The following KMT5B variants were observed in gnomAD, a reference collection of about 807,000 sequenced individuals.
KMT5B encodes histone-lysine N-methyltransferase KMT5B.
Under a neutral mutation model 83.2 loss-of-function variants are expected in KMT5B, and 10 were observed. The ratio of observed to expected loss-of-function variants is 0.12; its 90% CI spans 0.07 to 0.20. The LOEUF (loss-of-function observed/expected upper bound fraction) is 0.20, where lower values mean the gene tolerates loss of function less well. Among genes scored for constraint, KMT5B ranks in the 10% least tolerant of loss-of-function variants. The probability of loss-of-function intolerance (pLI) is 1.00; values close to 1 mark genes in which losing one functional copy is unlikely to be tolerated. For synonymous variants in KMT5B, 349 were observed against 388.8 expected (o/e 0.90, Z 1.20); for missense variants, 753 against 1,067.2 (o/e 0.71, Z 4.10).
In KMT5B at chr11:68,154,907, G is replaced by T. The variant is rs916148957; in HGVS notation, c.*2781C>A. 1.3e-5 allele frequency: 2 copies of T among 151,744 alleles called. No homozygotes were observed. The highest frequency in any genetic ancestry group is 2.9e-5 in the Non-Finnish European group (2 of 67,962). The allele number at this position is 151,744 out of a possible 1,614,324, so 9.4% of individuals were successfully genotyped here. A position where few individuals can be genotyped will look rare whatever the true frequency, so the allele number is the denominator to read the frequency against. On this transcript the variant is annotated 3_prime_UTR_variant, in exon 11 of 11. Transcript: ENST00000304363. ...TATTAAAATGATTAACCTCAATACTGCAAGTGCATGTACAAAATATTTGTA... is the reference window on the plus strand; with the variant it reads ...TATTAAAATGATTAACCTCAATACTTCAAGTGCATGTACAAAATATTTGTA...
At chr11:68,213,613 C>CA (rs1331773415), upstream of KMT5B, 1 of 153,816 alleles carries the variant, frequency 6.5e-6, no homozygotes, top group East Asian at 1.9e-4. Context: ...CTGCCGCCCG[C>CA]ACCGCCGCCG....
At chr11:68,212,862 G>A (rs1188205741) in intron 1 of KMT5B, 1 of 150,366 alleles carries the variant, frequency 6.7e-6, no homozygotes, top group Non-Finnish European at 1.5e-5. Flanking sequence ...TGCTCCCCTC[G>A]TGCGGCCGCG....
At chr11:68,165,888 G>T (rs1370751572) in intron 10 of KMT5B, 1 of 1,612,906 alleles carries the variant, frequency 6.2e-7, no homozygotes, top group South Asian at 1.1e-5. Flanking sequence ...GGTAGATTCA[G>T]GAATTCATGG....
At chr11:68,204,352 C>A (rs919724493) in intron 1 of KMT5B, among the ~76,000 whole-genome samples, 1 of 152,134 alleles carries the variant, frequency 6.6e-6, no homozygotes, top group Non-Finnish European at 1.5e-5. Context: ...AAGAGATTAT[C>A]CTAGATTATC....
chr11:68,164,069 A>G, intron 10 of KMT5B, among the ~76,000 whole-genome samples: 1 of 152,198 alleles, frequency 6.6e-6, no homozygotes, highest in African/African-American at 2.4e-5. Context: ...TCAGCGAGGC[A>G]TAAGAGGCCT....
At chr11:68,160,059 A>T (rs1854718459) in intron 10 of KMT5B, among the ~76,000 whole-genome samples, 1 of 152,260 alleles carries the variant, frequency 6.6e-6, no homozygotes, top group Non-Finnish European at 1.5e-5. Flanking sequence ...GCGTATTCTT[A>T]TCCACTGGAA....
At chr11:68,185,705 A>C in intron 3 of KMT5B, 76 bp downstream of exon 3, 1 of 1,415,304 alleles carries the variant, frequency 7.1e-7, no homozygotes, top group Non-Finnish European at 9.5e-7. Flanking sequence ...ATTTTGAGCA[A>C]AAGTAAAATT....
intron 1 of KMT5B, among the ~76,000 whole-genome samples, chr11:68,211,441 C>G (rs146033436): frequency 2.6e-4 from 39 of 152,366 alleles, no homozygotes; most frequent in African/African-American, 9.1e-4. Flanking sequence ...ATTCCCTTCA[C>G]TCTCCAGCTC....
chr11:68,171,697 G>T lies in KMT5B; in HGVS notation c.666C>A (p.Asp222Glu), dbSNP rs1461909002. 5 of 1,610,766 alleles carry T rather than the reference G, an allele frequency of 3.1e-6. No individual in the cohort carries two copies. The highest frequency in any genetic ancestry group is 4.2e-6 in the Non-Finnish European group (5 of 1,178,380). ...TACAACCCACCAGTAATTCTATTTT[G>T]TCATTTCGTTTCCTATTTAAAATAT... ...IVATKEWKRN[D>E]KIELLVGCIA... Residue 222 changes from aspartate (D) to glutamate (E), a missense_variant, in exon 7 of 11, where the codon GAC becomes GAA. Physicochemically the swap from Asp to Glu is conservative, Grantham distance 45. Coordinates refer to ENST00000304363, the MANE Select transcript of KMT5B (RefSeq NM_017635.5). This position sits in a 1 kb window ranked among gnomAD's most constrained non-coding sequence, Gnocchi z 5.1.
intron 5 of KMT5B, chr11:68,174,228 T>C: frequency 2.4e-6 from 1 of 421,890 alleles, no homozygotes; most frequent in South Asian, 1.8e-5. Context: ...AACAATAAAA[T>C]AAACAAAAAA....
intron 1 of KMT5B, among the ~76,000 whole-genome samples, chr11:68,195,153 G>C (rs1259203873): frequency 1.3e-5 from 2 of 152,056 alleles, no homozygotes; most frequent in African/African-American, 4.8e-5. Context: ...CTGCAGCCTG[G>C]GTGACAGAGT....
chr11:68,186,036 A>C (rs1857406709), intron 2 of KMT5B, 108 bp from the exon 3 acceptor site: 1 of 996,146 alleles, frequency 1.0e-6, no homozygotes, highest in South Asian at 1.8e-5. Context: ...AGAACTGAAA[A>C]ATCAATCATT....
intron 5 of KMT5B, 74 bp downstream of exon 5, chr11:68,174,944 T>A (rs1264694597): frequency 7.5e-7 from 1 of 1,341,776 alleles, no homozygotes; most frequent in African/African-American, 1.5e-5. Flanking sequence ...CAGTATTAAC[T>A]AACATTTAGG....
intron 1 of KMT5B, among the ~76,000 whole-genome samples, chr11:68,192,110 G>A (rs575967217): frequency 6.6e-6 from 1 of 152,318 alleles, no homozygotes; most frequent in East Asian, 1.9e-4. Context: ...ACCTAGGTTT[G>A]TGTAAGTACA....
rs888299790 is a variant in KMT5B, at chr11:68,157,352, TAC to T, written c.*334_*335del. On this transcript the variant is annotated 3_prime_UTR_variant, in exon 11 of 11. Coordinates refer to ENST00000304363, the MANE Select transcript of KMT5B (RefSeq NM_017635.5). Reference sequence around the variant, plus strand: ...ATATTAAAGAGCCAGCTGATGCTCTTACAGTTAAAAAAACTGTGTAGCCACAT... The same window carrying T: ...ATATTAAAGAGCCAGCTGATGCTCTTAGTTAAAAAAACTGTGTAGCCACAT... The T allele has an allele frequency of 6.3e-5, 12 of 190,686 alleles. No individual in the cohort carries two copies. Among genetic ancestry groups the T allele is most frequent in the African/African-American group, 1.9e-4 (8 of 43,160 alleles). 11.8% of individuals were successfully genotyped at this position (190,686 alleles called of 1,614,324 possible). A position where few individuals can be genotyped will look rare whatever the true frequency, so the allele number is the denominator to read the frequency against.
At chr11:68,196,980 T>C (rs1858800188) in intron 1 of KMT5B, among the ~76,000 whole-genome samples, 1 of 152,108 alleles carries the variant, frequency 6.6e-6, no homozygotes, top group South Asian at 2.1e-4. Flanking sequence ...CTTTTTTTTT[T>C]TCTTTTTTTG....
intron 1 of KMT5B, among the ~76,000 whole-genome samples, chr11:68,195,309 A>G (rs902314891): frequency 3.9e-5 from 6 of 152,220 alleles, no homozygotes; most frequent in African/African-American, 1.4e-4. Flanking sequence ...TTGGTAACCA[A>G]CAAAGTCACT....
Position 68,166,970 on chromosome 11 carries a change from T to A in KMT5B, c.1174+12A>T, listed in dbSNP as rs1417150547. ...TTTTAAAAGATATGCTTATCAAATC[T>A]CCCTTACTTACTTGCATTGTTTTTT... On this transcript the variant is annotated intron_variant, in intron 10 of 10. Coordinates refer to ENST00000304363, the MANE Select transcript of KMT5B (RefSeq NM_017635.5). The A allele has an allele frequency of 9.9e-6, 16 of 1,612,016 alleles. No individual in the cohort carries two copies. Among genetic ancestry groups the A allele is most frequent in the African/African-American group, 1.3e-5 (1 of 74,898 alleles).
intron 1 of KMT5B, among the ~76,000 whole-genome samples, chr11:68,192,919 T>C (rs1858257737): frequency 6.6e-6 from 1 of 152,238 alleles, no homozygotes; most frequent in Admixed American, 6.5e-5. Flanking sequence ...AATGTAAATG[T>C]ATCTCTTACT....
Sources: gnomAD v4.1 joint callset for allele counts (sites outside exome capture counted in the v4.1 genomes callset) on GRCh38, gnomAD v4.1.1 for gene constraint, Gnocchi (gnomAD v3.1) non-coding constraint, MANE v1.5 for transcripts, NCBI Gene and HGNC (gene_info 2026-07-23, HGNC 2026-07-21) for gene names.